Variants in BABAM2 observed in about 807,000 individuals in gnomAD.
BABAM2 encodes BRISC and BRCA1-A complex member 2.
A neutral mutation model predicts 54.7 loss-of-function variants in BABAM2; 31 were observed. That is an observed-to-expected ratio of 0.57 (90% CI 0.43 to 0.77). The LOEUF (loss-of-function observed/expected upper bound fraction) is 0.77, where lower values mean the gene tolerates loss of function less well. Ranked by LOEUF, BABAM2 falls within the 30% of genes least tolerant of loss-of-function variation. The pLI is 0.00. For missense variants in BABAM2, 364 were observed against 455.8 expected (o/e 0.80, Z 1.83); for synonymous variants, 167 against 162.9 (o/e 1.03, Z -0.19).
At chr2:27,922,701 T>C (rs1667423437) in intron 2 of BABAM2, among the ~76,000 whole-genome samples, 1 of 152,230 alleles carries the variant, frequency 6.6e-6, no homozygotes. Context: ...CAAGATATGT[T>C]TTTTGTTCTT....
intron 10 of BABAM2, among the ~76,000 whole-genome samples, chr2:28,293,150 C>CT (rs1442126721): frequency 2.0e-5 from 3 of 151,846 alleles, no homozygotes; most frequent in East Asian, 1.9e-4. Context: ...TAATTAGATA[C>CT]TTTTTTTTTC....
intron 6 of BABAM2, among the ~76,000 whole-genome samples, chr2:28,070,139 G>A (rs56078812): frequency 0.067 from 10,272 of 152,252 alleles, 523 homozygotes; most frequent in African/African-American, 0.14. Context: ...AAAAGAACTA[G>A]ACCTACTCAG....
At chr2:27,894,860 G>A in intron 2 of BABAM2, 176 bp downstream of exon 2, 1 of 652,198 alleles carries the variant, frequency 1.5e-6, no homozygotes, top group Non-Finnish European at 2.5e-6. Context: ...TATGTTTCAG[G>A]TTATTTTATT....
intron 10 of BABAM2, among the ~76,000 whole-genome samples, chr2:28,263,162 AAGG>A (rs1277334675): frequency 3.3e-5 from 5 of 150,518 alleles, no homozygotes; most frequent in Non-Finnish European, 5.9e-5. Context: ...AAAAGAAAGG[AAGG>A]AGAGGAGGAG....
chr2:28,131,753 A>C (rs562131713), intron 7 of BABAM2, among the ~76,000 whole-genome samples: 74 of 152,300 alleles, frequency 4.9e-4, no homozygotes, highest in African/African-American at 1.8e-3. Context: ...GTTGGGGCAG[A>C]AAAGGAGAGG....
intron 11 of BABAM2, among the ~76,000 whole-genome samples, chr2:28,333,746 G>T (rs1451812041): frequency 6.6e-6 from 1 of 152,206 alleles, no homozygotes; most frequent in African/African-American, 2.4e-5. Context: ...TTGACACTCA[G>T]GGCCCTCTCC....
intron 3 of BABAM2, among the ~76,000 whole-genome samples, chr2:27,971,027 T>C (rs1364362558): frequency 6.6e-6 from 1 of 152,146 alleles, no homozygotes; most frequent in Non-Finnish European, 1.5e-5. Flanking sequence ...CATGATATGT[T>C]TCTTCCATTG....
At chr2:28,319,658 G>A (rs780394241) in intron 11 of BABAM2, among the ~76,000 whole-genome samples, 32 of 152,238 alleles carry the variant, frequency 2.1e-4, no homozygotes, top group Non-Finnish European at 4.4e-4. Flanking sequence ...TGGTGTCAGG[G>A]CTGAAGGATC....
At chr2:28,004,990 CTAAT>C (rs1673854818) in intron 4 of BABAM2, among the ~76,000 whole-genome samples, 1 of 152,146 alleles carries the variant, frequency 6.6e-6, no homozygotes, top group South Asian at 2.1e-4. Flanking sequence ...TAATTTAAAA[CTAAT>C]TTAATGTACT....
At chr2:28,099,574 C>CT (rs965763335) in intron 6 of BABAM2, among the ~76,000 whole-genome samples, 5 of 152,102 alleles carry the variant, frequency 3.3e-5, no homozygotes, top group East Asian at 1.9e-4. Flanking sequence ...TTAATGTGAT[C>CT]TTTTTTTCTA....
In BABAM2 at chr2:28,128,518, A is replaced by G. The variant is rs536476708; in HGVS notation, c.571-753A>G. Among the ~76,000 whole-genome samples the G allele has an allele frequency of 1.1e-3, 163 of 152,348 alleles. 1 individual carries two copies. The highest frequency in any genetic ancestry group is 1.7e-3 in the Non-Finnish European group (113 of 68,034). On this transcript the variant is annotated intron_variant, in intron 6 of 11. Coordinates refer to ENST00000379624, the MANE Select transcript of BABAM2 (RefSeq NM_199191.3). ...CAGGACACTTCATCAGTGTATCATC[A>G]GCGTTGGCTTGAGTTGGTTATAATA...
chr2:28,168,199 G>A (rs1297123299), intron 7 of BABAM2, among the ~76,000 whole-genome samples: 1 of 152,082 alleles, frequency 6.6e-6, no homozygotes, highest in African/African-American at 2.4e-5. Flanking sequence ...AGCACACAGT[G>A]GAACCATTTT....
chr2:27,970,424 CAT>C (rs1347846487), intron 3 of BABAM2, among the ~76,000 whole-genome samples: 1 of 152,126 alleles, frequency 6.6e-6, no homozygotes, highest in Non-Finnish European at 1.5e-5. Context: ...AACATTTTGC[CAT>C]GTTTTAGAAG....
intron 7 of BABAM2, among the ~76,000 whole-genome samples, chr2:28,151,905 C>G (rs569858884): frequency 5.3e-5 from 8 of 152,298 alleles, no homozygotes; most frequent in South Asian, 2.1e-4. Flanking sequence ...TTTTCCCCCA[C>G]TGTTCGTGGG....
intron 7 of BABAM2, among the ~76,000 whole-genome samples, chr2:28,158,342 A>T (rs1160627744): frequency 6.6e-6 from 1 of 152,256 alleles, no homozygotes; most frequent in Non-Finnish European, 1.5e-5. Flanking sequence ...ACATAGGGAG[A>T]AAAGACAGAT....
intron 7 of BABAM2, among the ~76,000 whole-genome samples, chr2:28,151,195 C>T (rs1389158529): frequency 6.6e-6 from 1 of 152,148 alleles, no homozygotes; most frequent in Non-Finnish European, 1.5e-5. Context: ...TTTTTGCTGA[C>T]TCAAGATGAT....
At chr2:28,288,815 G>A (rs1046010021) in intron 10 of BABAM2, among the ~76,000 whole-genome samples, 2 of 152,056 alleles carry the variant, frequency 1.3e-5, no homozygotes, top group South Asian at 4.1e-4. Flanking sequence ...TTCTCCCTGC[G>A]TGACACCGCG....
At chr2:28,266,041 A>G (rs1056795767) in intron 10 of BABAM2, among the ~76,000 whole-genome samples, 8 of 152,006 alleles carry the variant, frequency 5.3e-5, no homozygotes, top group Middle Eastern at 3.4e-3. Flanking sequence ...CTGGAGAGCA[A>G]TGGCACTATC....
chr2:27,914,867 T>C (rs572647324), intron 2 of BABAM2, among the ~76,000 whole-genome samples: 1 of 149,042 alleles, frequency 6.7e-6, no homozygotes, highest in Non-Finnish European at 1.5e-5. Flanking sequence ...AAAATGGTGA[T>C]ATAAAAATTT....
Sources: gnomAD v4.1 joint callset for allele counts (sites outside exome capture counted in the v4.1 genomes callset) on GRCh38, gnomAD v4.1.1 for gene constraint, MANE v1.5 for transcripts, NCBI Gene and HGNC (gene_info 2026-07-23, HGNC 2026-07-21) for gene names.